Variants in AGBL1 observed in about 807,000 individuals in gnomAD.
The protein encoded by AGBL1 is AGBL carboxypeptidase 1, also known as cytosolic carboxypeptidase 4.
A neutral mutation model predicts 118.9 loss-of-function variants in AGBL1; 130 were observed. That is an observed-to-expected ratio of 1.09 (90% CI 0.95 to 1.26). The LOEUF is 1.26. AGBL1 is among the 50% of genes most tolerant of loss of function. The probability of loss-of-function intolerance (pLI) is 0.00; values close to 1 mark genes in which losing one functional copy is unlikely to be tolerated. For missense variants in AGBL1, 1,584 were observed against 1,298.1 expected, an observed-to-expected ratio of 1.22 and a Z score of -3.38; for synonymous variants, 555 against 478.9, an observed-to-expected ratio of 1.16 and a Z score of -2.08.
chr15:86,951,006 C>T (rs1175735734), intron 23 of AGBL1, among the ~76,000 whole-genome samples: 12 of 152,152 alleles, frequency 7.9e-5, no homozygotes, highest in Admixed American at 7.9e-4. Context: ...CTCAAGTTTG[C>T]TCAAATGCAG....
chr15:86,635,271 T>G, intron 21 of AGBL1, among the ~76,000 whole-genome samples: 1 of 53,852 alleles, frequency 1.9e-5, no homozygotes, highest in South Asian at 1.1e-3. Flanking sequence ...CCCCTCCTCC[T>G]CCTCCTCCTT....
intron 17 of AGBL1, among the ~76,000 whole-genome samples, chr15:86,335,562 A>G (rs1457611041): frequency 1.3e-5 from 2 of 152,220 alleles, no homozygotes; most frequent in African/African-American, 4.8e-5. Context: ...TAAGTTGAGG[A>G]TAGGATTAAG....
chr15:86,315,439 G>A (rs989037374), intron 17 of AGBL1, among the ~76,000 whole-genome samples: 11 of 152,166 alleles, frequency 7.2e-5, no homozygotes, highest in South Asian at 2.1e-4. Context: ...TCGTGGGGCC[G>A]GGCGCAGTGG....
intron 21 of AGBL1, among the ~76,000 whole-genome samples, chr15:86,642,530 C>T (rs1235625180): frequency 2.0e-5 from 3 of 151,808 alleles, no homozygotes; most frequent in Non-Finnish European, 2.9e-5. Flanking sequence ...AAAGAGTATT[C>T]ATATTTCTAA....
intron 22 of AGBL1, among the ~76,000 whole-genome samples, chr15:86,725,453 G>T (rs1306907997): frequency 6.6e-6 from 1 of 152,198 alleles, no homozygotes; most frequent in Non-Finnish European, 1.5e-5. Context: ...CAGAGCATGG[G>T]TGAAGTCTGA....
chr15:86,296,049 CACAA>C (rs1464638708), intron 17 of AGBL1: 6 of 152,138 alleles, frequency 3.9e-5, no homozygotes, highest in Non-Finnish European at 8.8e-5. Context: ...CATGTGTAGA[CACAA>C]ACATATACAC....
chr15:86,936,077 G>A (rs776048075), intron 23 of AGBL1, among the ~76,000 whole-genome samples: 1 of 152,186 alleles, frequency 6.6e-6, no homozygotes, highest in South Asian at 2.1e-4. Flanking sequence ...TCTCACAGGC[G>A]GGCTGCTCGG....
At chr15:86,404,661 C>G (rs2081497306) in intron 18 of AGBL1, among the ~76,000 whole-genome samples, 1 of 152,190 alleles carries the variant, frequency 6.6e-6, no homozygotes, top group South Asian at 2.1e-4. Flanking sequence ...TCTGAGATCC[C>G]AAACAATTGA....
rs1242229374 is a variant in AGBL1, at chr15:86,912,481, T to C, written c.*5187T>C. ...GCAATCCCATCAATAAGAATCAGCA[T>C]CCAAGAATTCCATACATTGGCTTCA... On this transcript the variant is annotated 3_prime_UTR_variant, in exon 23 of 23. Transcript: ENST00000614907. 6.6e-6 allele frequency: 1 copy of C among 152,106 alleles called. No homozygotes were observed. The highest frequency in any genetic ancestry group is 1.9e-4 in the East Asian group (1 of 5,178). 9.4% of individuals were successfully genotyped at this position (152,106 alleles called of 1,614,324 possible). A position where few individuals can be genotyped will look rare whatever the true frequency, so the allele number is the denominator to read the frequency against.
chr15:86,944,878 C>G (rs561172834), intron 23 of AGBL1, among the ~76,000 whole-genome samples: 4 of 152,194 alleles, frequency 2.6e-5, no homozygotes, highest in African/African-American at 9.6e-5. Context: ...GAGACTTTTG[C>G]AGGGAAAAGG....
At chr15:86,113,836 A>C (rs990917971) in intron 1 of AGBL1, among the ~76,000 whole-genome samples, 1 of 152,264 alleles carries the variant, frequency 6.6e-6, no homozygotes. Flanking sequence ...CCCTTCCTCA[A>C]ACTTGCTAGG....
At chr15:86,777,247 G>A (rs112172612) in intron 22 of AGBL1, among the ~76,000 whole-genome samples, 2 of 151,674 alleles carry the variant, frequency 1.3e-5, no homozygotes, top group Non-Finnish European at 2.9e-5. Context: ...TCCTATTCCT[G>A]CACCTGTACC....
At chr15:86,814,426 G>T (rs2078832231) in intron 22 of AGBL1, among the ~76,000 whole-genome samples, 1 of 152,132 alleles carries the variant, frequency 6.6e-6, no homozygotes. Context: ...GAATTCGGTG[G>T]CCAGGCAGAG....
At chr15:86,870,890 T>G (rs1349479557) in intron 22 of AGBL1, among the ~76,000 whole-genome samples, 1 of 152,166 alleles carries the variant, frequency 6.6e-6, no homozygotes, top group Admixed American at 6.6e-5. Flanking sequence ...AACATTGGAA[T>G]TTTCCAAACA....
chr15:86,761,794 T>G (rs1009020901), intron 22 of AGBL1, among the ~76,000 whole-genome samples: 2 of 152,116 alleles, frequency 1.3e-5, no homozygotes, highest in Non-Finnish European at 2.9e-5. Flanking sequence ...GTGTTTTTGC[T>G]CTGATGATAG....
intron 16 of AGBL1, among the ~76,000 whole-genome samples, chr15:86,287,683 G>C (rs2079476139): frequency 6.6e-6 from 1 of 152,122 alleles, no homozygotes; most frequent in African/African-American, 2.4e-5. Flanking sequence ...GGCTTTAGTT[G>C]AGAAAGCTTC....
At chr15:86,790,779 A>G (rs2078482303) in intron 22 of AGBL1, among the ~76,000 whole-genome samples, 1 of 152,134 alleles carries the variant, frequency 6.6e-6, no homozygotes, top group African/African-American at 2.4e-5. Context: ...TTTCAATTTA[A>G]TTCAACAAGC....
intron 17 of AGBL1, among the ~76,000 whole-genome samples, chr15:86,306,128 T>C (rs2079837088): frequency 6.6e-6 from 1 of 152,164 alleles, no homozygotes; most frequent in Non-Finnish European, 1.5e-5. Context: ...CAATGGGACA[T>C]CCATCCCCTC....
At chr15:86,491,037 T>A (rs1260234340) in intron 18 of AGBL1, among the ~76,000 whole-genome samples, 3 of 152,124 alleles carry the variant, frequency 2.0e-5, no homozygotes, top group African/African-American at 4.8e-5. Context: ...TATACAAAAA[T>A]ATATTTATTT....
Sources: gnomAD v4.1 joint callset for allele counts (sites outside exome capture counted in the v4.1 genomes callset) on GRCh38, gnomAD v4.1.1 for gene constraint, MANE v1.5 for transcripts, NCBI Gene and HGNC (gene_info 2026-07-23, HGNC 2026-07-21) for gene names.